Variants in TP53BP1 observed in about 807,000 individuals in gnomAD.
TP53BP1 encodes the protein tumor protein p53 binding protein 1.
Under a neutral mutation model 200.8 loss-of-function variants are expected in TP53BP1, and 61 were observed. That is an observed-to-expected ratio of 0.30 (90% CI 0.25 to 0.38). The LOEUF (loss-of-function observed/expected upper bound fraction) is 0.38, where lower values mean the gene tolerates loss of function less well. TP53BP1 is among the 10% of genes least tolerant of loss of function. TP53BP1 has a pLI of 1.00. For missense variants in TP53BP1, 2,144 were observed against 2,371.9 expected (o/e 0.90, Z 2.00); for synonymous variants, 822 against 844.3 (o/e 0.97, Z 0.46).
intron 15 of TP53BP1, 81 bp from the exon 16 acceptor site, chr15:43,438,497 G>T: frequency 8.5e-7 from 1 of 1,171,520 alleles, no homozygotes; most frequent in Non-Finnish European, 1.2e-6. Context: ...ATGCACAGAG[G>T]AAATAAAATG....
rs377703429 is a variant in TP53BP1, at chr15:43,415,752, G to A, written c.4931C>T (p.Pro1644Leu). 6.2e-7 allele frequency: 1 copy of A among 1,614,168 alleles called. No individual in the cohort carries two copies. Among genetic ancestry groups the A allele is most frequent in the Non-Finnish European group, 8.5e-7 (1 of 1,180,030 alleles). ...RRSNVSSPAT[P>L]TASSSSSTTP... ...TGTGCTGCTGCTACTGGAGGCAGTA[G>A]GGGTGGCTGGGGAGCTGACGTTACT... Residue 1644 changes from proline (P) to leucine (L), a missense_variant, in exon 23 of 28, where the codon CCT becomes CTT. By Grantham distance (98) the Pro-to-Leu change is moderately conservative. Coordinates refer to ENST00000382044, the MANE Select transcript of TP53BP1 (RefSeq NM_001141980.3).
Position 43,491,716 on chromosome 15 carries a change from G to A in TP53BP1, c.324C>T (p.Ser108=), listed in dbSNP as rs772906401. The change falls in exon 4 of 28, where the codon TCC becomes TCT. Residue 108 remains serine (S), a synonymous_variant. Transcript: ENST00000382044. ...VDSSNLDTCG[S]ISQVIEQLPQ... ...GTAACTGCTCAATGACCTGACTGAT[G>A]GAACCACATGTGTCCAAGTTAGAAG... 3 of 1,614,006 alleles carry A rather than the reference G, an allele frequency of 1.9e-6. No individual in the cohort carries two copies. The highest frequency in any genetic ancestry group is 2.2e-5 in the South Asian group (2 of 91,072).
At chr15:43,429,639 G>C (rs1436235273) in intron 17 of TP53BP1, among the ~76,000 whole-genome samples, 1 of 152,162 alleles carries the variant, frequency 6.6e-6, no homozygotes, top group Non-Finnish European at 1.5e-5. Context: ...AACTGGCAGA[G>C]GTGAAATATT....
intron 12 of TP53BP1, among the ~76,000 whole-genome samples, chr15:43,448,685 G>A (rs903100959): frequency 4.6e-5 from 7 of 151,996 alleles, no homozygotes; most frequent in African/African-American, 1.4e-4. Context: ...GACTACAGGC[G>A]CCCTCCATCA....
In TP53BP1 at chr15:43,404,448, T is replaced by C. The variant is rs1240186436; in HGVS notation, c.*2935A>G. On this transcript the variant is annotated 3_prime_UTR_variant, in exon 28 of 28. Coordinates refer to ENST00000382044, the MANE Select transcript of TP53BP1 (RefSeq NM_001141980.3). ...GCCAGTCTTCACTCCTGTTCAAGAT[T>C]CTCTCCAGTGTTCGGAATCATCAGA... The C allele has an allele frequency of 6.2e-7, 1 of 1,614,150 alleles. No individual in the cohort carries two copies. Among genetic ancestry groups the C allele is most frequent in the East Asian group, 2.2e-5 (1 of 44,870 alleles).
chr15:43,484,284 C>T (rs2079015562), intron 4 of TP53BP1, among the ~76,000 whole-genome samples: 2 of 152,232 alleles, frequency 1.3e-5, no homozygotes, highest in South Asian at 2.1e-4. Context: ...TCTGATCTGT[C>T]TTTGAATCCC....
intron 18 of TP53BP1, among the ~76,000 whole-genome samples, chr15:43,424,592 TTTAAG>T (rs1162966955): frequency 6.6e-6 from 1 of 152,260 alleles, no homozygotes; most frequent in African/African-American, 2.4e-5. Context: ...ACTATCATTA[TTTAAG>T]TTTAGTAGTG....
At chr15:43,455,829 G>T in intron 12 of TP53BP1, 63 bp downstream of exon 12, 7 of 1,579,322 alleles carry the variant, frequency 4.4e-6, no homozygotes, top group Non-Finnish European at 6.0e-6. Context: ...TGCAGTTCTC[G>T]CCAACTTTCC....
chr15:43,432,805 A>G, intron 16 of TP53BP1, 128 bp from the exon 17 acceptor site: 1 of 1,047,114 alleles, frequency 9.6e-7, no homozygotes, highest in East Asian at 2.5e-5. Context: ...TGAGAAATGT[A>G]AGGAAGGGAG....
Position 43,403,986 on chromosome 15 carries a change from C to G in TP53BP1, c.*3397G>C, listed in dbSNP as rs2044769886. On this transcript the variant is annotated 3_prime_UTR_variant, in exon 28 of 28. Coordinates refer to ENST00000382044, the MANE Select transcript of TP53BP1 (RefSeq NM_001141980.3). ...AAGCAGGTAATACTGTGCCACCTCA[C>G]AGTGCTCAAAAATAGTTCAGTCCTG... 1.7e-6 allele frequency: 1 copy of G among 592,124 alleles called. No homozygotes were observed. Among genetic ancestry groups the G allele is most frequent in the Non-Finnish European group, 3.0e-6 (1 of 331,770 alleles). 36.7% of individuals were successfully genotyped at this position (592,124 alleles called of 1,614,324 possible).
rs151194813 is a variant in TP53BP1, at chr15:43,461,722, G to A, written c.1390-4504C>T. On this transcript the variant is annotated intron_variant, in intron 11 of 27. Transcript: ENST00000382044. ...CTTGTTCTGTCACCCAGGCTGAAGT[G>A]CAGTGGCACCATCTCCGCTCACTGC... 4.9e-3 allele frequency among the ~76,000 whole-genome samples: 734 copies of A among 150,956 alleles called. 4 individuals carry two copies. The highest frequency in any genetic ancestry group is 8.2e-3 in the Non-Finnish European group (559 of 67,794).
intron 11 of TP53BP1, among the ~76,000 whole-genome samples, chr15:43,465,729 G>A (rs1306706320): frequency 6.6e-6 from 1 of 152,172 alleles, no homozygotes; most frequent in Non-Finnish European, 1.5e-5. Flanking sequence ...AATCCTACAG[G>A]ATTCCAGTAA....
At chr15:43,506,534 C>A (rs919013251) in intron 1 of TP53BP1, among the ~76,000 whole-genome samples, 2 of 152,224 alleles carry the variant, frequency 1.3e-5, no homozygotes, top group Admixed American at 1.3e-4. Context: ...CCTCCTCTTT[C>A]AGTGGTGGAT....
chr15:43,412,489 C>A (rs1048975489), intron 24 of TP53BP1, among the ~76,000 whole-genome samples: 1 of 152,166 alleles, frequency 6.6e-6, no homozygotes, highest in African/African-American at 2.4e-5. Flanking sequence ...AGACCTCTAC[C>A]CACTGCAGCC....
At position 43,404,626 on chromosome 15, in the gene TP53BP1, GGAA is replaced by G. The variant is rs2044796160; in HGVS notation, c.*2754_*2756del. On this transcript the variant is annotated 3_prime_UTR_variant, in exon 28 of 28. Transcript: ENST00000382044. ...TAATGAGTTGTAGAATTCTAGAACTGGAAGAAGACTTTAGTCCAAATACCCTCA... is the reference window on the plus strand; with the variant it reads ...TAATGAGTTGTAGAATTCTAGAACTGGAAGACTTTAGTCCAAATACCCTCA... 6.6e-7 allele frequency: 1 copy of G among 1,507,582 alleles called. No homozygotes were observed. Among genetic ancestry groups the G allele is most frequent in the Non-Finnish European group, 9.1e-7 (1 of 1,102,668 alleles). 93.4% of individuals were successfully genotyped at this position (1,507,582 alleles called of 1,614,324 possible). A position where few individuals can be genotyped will look rare whatever the true frequency, so the allele number is the denominator to read the frequency against.
At chr15:43,441,693 G>T (rs1034130257) in intron 14 of TP53BP1, 110 bp from the exon 15 acceptor site, 3 of 689,934 alleles carry the variant, frequency 4.3e-6, no homozygotes, top group Non-Finnish European at 5.2e-6. Context: ...ATAACAAAAA[G>T]AAATAAAAAT....
At chr15:43,474,621 A>G in intron 10 of TP53BP1, 52 bp downstream of exon 10, 1 of 1,293,092 alleles carries the variant, frequency 7.7e-7, no homozygotes, top group Admixed American at 1.9e-5. Context: ...AGGCAGAAAA[A>G]GTGTTGCTCC....
intron 1 of TP53BP1, among the ~76,000 whole-genome samples, chr15:43,492,689 C>T (rs1167245640): frequency 1.3e-5 from 2 of 152,256 alleles, no homozygotes; most frequent in Non-Finnish European, 2.9e-5. Context: ...CTATCCCTCC[C>T]TATTTTTCAT....
chr15:43,495,341 T>C (rs1186365694), upstream of TP53BP1, among the ~76,000 whole-genome samples: 3 of 143,124 alleles, frequency 2.1e-5, no homozygotes, highest in Non-Finnish European at 4.5e-5. Flanking sequence ...CTACTAAAAA[T>C]ACAAAAAATC....
Sources: gnomAD v4.1 joint callset for allele counts (sites outside exome capture counted in the v4.1 genomes callset) on GRCh38, gnomAD v4.1.1 for gene constraint, MANE v1.5 for transcripts, NCBI Gene and HGNC (gene_info 2026-07-23, HGNC 2026-07-21) for gene names.